GSTA3: variants seen among roughly 807,000 people sequenced by gnomAD.
GSTA3 encodes the protein glutathione S-transferase A3.
In GSTA3, 16 loss-of-function variants were observed where a neutral mutation model predicts 23.1. The ratio of observed to expected loss-of-function variants is 0.69; its 90% CI spans 0.47 to 1.05. The LOEUF is 1.05. GSTA3 is among the 50% of genes least tolerant of loss of function. GSTA3 has a pLI of 0.00. For missense variants in GSTA3, 319 were observed against 263.6 expected (o/e 1.21, Z -1.46); for synonymous variants, 122 against 91.0 (o/e 1.34, Z -1.94).
At chr6:52,906,083 A>C (rs1445993499) in intron 1 of GSTA3, among the ~76,000 whole-genome samples, 1 of 152,048 alleles carries the variant, frequency 6.6e-6, no homozygotes, top group East Asian at 1.9e-4. Flanking sequence ...GTTTTCATTT[A>C]TTTATTTTTA....
chr6:52,908,906 G>A (rs930775254), intron 1 of GSTA3, among the ~76,000 whole-genome samples: 1 of 152,026 alleles, frequency 6.6e-6, no homozygotes, highest in African/African-American at 2.4e-5. Context: ...TTTGGTCCCA[G>A]ATACTTCGAA....
chr6:52,897,759 C>T (rs887097176), intron 6 of GSTA3, 66 bp downstream of exon 6: 67 of 1,581,542 alleles, frequency 4.2e-5, no homozygotes, highest in Admixed American at 1.2e-4. Flanking sequence ...AGTCCAAGGG[C>T]CCAGATACTA....
Position 52,908,765 on chromosome 6 carries a change from T to C in GSTA3, c.-22+876A>G, listed in dbSNP as rs55736811. 2.3e-3 allele frequency among the ~76,000 whole-genome samples: 347 copies of C among 152,314 alleles called. 1 individual carries two copies. Among genetic ancestry groups the C allele is most frequent in the Non-Finnish European group, 4.0e-3 (275 of 68,022 alleles). ...CTTGCATATAGAAGGAATGTGCATG[T>C]TCTGTTGGACAGGGAATATAACAGC... On this transcript the variant is annotated intron_variant, in intron 1 of 6. Coordinates refer to ENST00000211122, the MANE Select transcript of GSTA3 (RefSeq NM_000847.5).
intron 1 of GSTA3, among the ~76,000 whole-genome samples, chr6:52,909,268 T>C (rs574985542): frequency 1.3e-5 from 2 of 152,342 alleles, no homozygotes; most frequent in East Asian, 3.9e-4. Context: ...AGTATAATTG[T>C]GTGTTGACTC....
intron 1 of GSTA3, among the ~76,000 whole-genome samples, chr6:52,908,670 T>A (rs45628835): frequency 2.5e-3 from 377 of 152,062 alleles, no homozygotes; most frequent in African/African-American, 8.0e-3. Flanking sequence ...CAAAAAATAT[T>A]TTTTTTTAAT....
intron 4 of GSTA3, among the ~76,000 whole-genome samples, 189 bp from the exon 5 acceptor site, chr6:52,900,264 C>CTTTTTTTTTTTTTTTTTT (rs368457261): frequency 1.5e-5 from 2 of 133,452 alleles, no homozygotes; most frequent in Non-Finnish European, 3.2e-5. Flanking sequence ...CTTTCTTTTT[C>CTTTTTTTTTTTTTTTTTT]TTTTTTTTTT....
intron 1 of GSTA3, among the ~76,000 whole-genome samples, chr6:52,906,926 C>A (rs910355298): frequency 3.3e-5 from 5 of 150,410 alleles, no homozygotes; most frequent in African/African-American, 7.4e-5. Flanking sequence ...GTCTAAAACA[C>A]CAAAAGCAAT....
At chr6:52,900,349 G>A (rs1050096230) in intron 4 of GSTA3, among the ~76,000 whole-genome samples, 29 of 146,474 alleles carry the variant, frequency 2.0e-4, no homozygotes, top group Middle Eastern at 3.5e-3. Flanking sequence ...TGCCACCTTC[G>A]CCTCCAGGGT....
At chr6:52,908,492 G>A (rs1765970001) in intron 1 of GSTA3, among the ~76,000 whole-genome samples, 1 of 152,120 alleles carries the variant, frequency 6.6e-6, no homozygotes, top group Non-Finnish European at 1.5e-5. Flanking sequence ...TCCAGCCTGG[G>A]TGACAGAATG....
At chr6:52,906,317 T>G (rs1407956424) in intron 1 of GSTA3, among the ~76,000 whole-genome samples, 1 of 152,204 alleles carries the variant, frequency 6.6e-6, no homozygotes, top group Non-Finnish European at 1.5e-5. Context: ...ACTAGCTAGT[T>G]AGTGTCAAAG....
In GSTA3 at chr6:52,905,929, A is replaced by G. The variant is rs1488360591; in HGVS notation, c.-21-74T>C. 4 of 676,402 alleles carry G rather than the reference A, an allele frequency of 5.9e-6. No homozygotes were observed. The African/African-American group carries it at 7.4e-5, about 12-fold the overall frequency. 41.9% of individuals were successfully genotyped at this position (676,402 alleles called of 1,614,324 possible). On this transcript the variant is annotated intron_variant, in intron 1 of 6. Coordinates refer to ENST00000211122, the MANE Select transcript of GSTA3 (RefSeq NM_000847.5). ...GAAGCAAAATGCACGCTAGTATATG[A>G]ATGGTTGAACAACAGGAGTGTCTTC...
chr6:52,905,908 C>A, intron 1 of GSTA3, 53 bp from the exon 2 acceptor site: 1 of 821,414 alleles, frequency 1.2e-6, no homozygotes. Context: ...TCTAGAGAAG[C>A]AAAATGCACG....
At position 52,900,010 on chromosome 6, in the gene GSTA3, C is replaced by T. The variant is rs45602042; in HGVS notation, c.338G>A (p.Arg113Gln). 2,229 of 1,613,356 alleles carry T rather than the reference C, an allele frequency of 1.4e-3. 23 individuals are homozygous for T. In the African/African-American group the frequency reaches 0.026, roughly 19 times the overall value. The change falls in exon 5 of 7, where the codon CGA (arginine) becomes CAA (glutamine). Residue 113 changes from arginine to glutamine, a missense_variant. Coordinates refer to ENST00000211122, the MANE Select transcript of GSTA3 (RefSeq NM_000847.5). Reference protein sequence around the residue: ...NEMILLLPLCRPEEKDAKIAL... With the variant: ...NEMILLLPLCQPEEKDAKIAL... ...AATCTTGGCATCTTTTTCCTCAGGT[C>T]GACATAAGGGCAGAAGAAGGATCAT...
chr6:52,900,267 T>TC lies in GSTA3; in HGVS notation c.273-193_273-192insG, dbSNP rs549418396. On this transcript the variant is annotated intron_variant, in intron 4 of 6. Transcript: ENST00000211122. ...GTTTCCTTCTTTCTTTCTTTTTCTT[T>TC]TTTTTTTTTTTTTGAGATGGAGTTT... 2.7e-4 allele frequency among the ~76,000 whole-genome samples: 40 copies of TC among 149,186 alleles called. 1 individual carries two copies. In the South Asian group the frequency reaches 8.5e-3, roughly 32 times the overall value.
chr6:52,900,295 C>T (rs1195616661), intron 4 of GSTA3, among the ~76,000 whole-genome samples: 2 of 147,704 alleles, frequency 1.4e-5, no homozygotes, highest in African/African-American at 5.0e-5. Context: ...TGGAGTTTCC[C>T]TCATTCTCCC....
In GSTA3 at chr6:52,902,334, A is replaced by ACCT; in HGVS notation, c.272+11_272+12insAGG. The ACCT allele has an allele frequency of 6.2e-7, 1 of 1,612,510 alleles. No individual in the cohort carries two copies. The highest frequency in any genetic ancestry group is 2.2e-5 in the East Asian group (1 of 44,872). On this transcript the variant is annotated intron_variant, in intron 4 of 6. Coordinates refer to ENST00000211122, the MANE Select transcript of GSTA3 (RefSeq NM_000847.5). ...GTTCTCTGTGGATGGAAGAACACAAAATATACCGTACAGGGCTCTCTCCTT... is the reference window on the plus strand; with the variant it reads ...GTTCTCTGTGGATGGAAGAACACAAACCTATATACCGTACAGGGCTCTCTCCTT...
Position 52,905,683 on chromosome 6 carries a change from G to A in GSTA3, c.87+65C>T. On this transcript the variant is annotated intron_variant, in intron 2 of 6. Coordinates refer to ENST00000211122, the MANE Select transcript of GSTA3 (RefSeq NM_000847.5). ...GGTCATCTAGTATGGAAGTCTCTTG[G>A]CTTACTAAAATATTTTGATACAGTC... is the stretch of plus-strand genomic sequence containing the variant. 3.2e-6 allele frequency: 3 copies of A among 932,922 alleles called. No individual in the cohort carries two copies. In the South Asian group the frequency reaches 4.2e-5, roughly 13 times the overall value. 57.8% of individuals were successfully genotyped at this position (932,922 alleles called of 1,614,324 possible). A position where few individuals can be genotyped will look rare whatever the true frequency, so the allele number is the denominator to read the frequency against.
chr6:52,897,825 C>A lies in GSTA3; in HGVS notation c.546G>T (p.Lys182Asn). Residue 182 changes from lysine (K) to asparagine (N), a missense_variant and splice_region_variant, in exon 6 of 7, where the codon AAG (lysine) becomes AAT (asparagine). Transcript: ENST00000211122. ...CTCTGAGGGCTGTGAAATGGGTCAC[C>A]TTCAGCAGAGGGAAGTTGGAGATAA... ...SSLISNFPLL[K>N]ALKTRISNLP... 6.2e-7 allele frequency: 1 copy of A among 1,613,498 alleles called. No homozygotes were observed. Among genetic ancestry groups the A allele is most frequent in the Non-Finnish European group, 8.5e-7 (1 of 1,179,770 alleles).
At chr6:52,898,956 G>T (rs1202474408) in intron 5 of GSTA3, among the ~76,000 whole-genome samples, 1 of 152,144 alleles carries the variant, frequency 6.6e-6, no homozygotes, top group African/African-American at 2.4e-5. Flanking sequence ...GAGAATGACG[G>T]GGTGAGTGCT....
Sources: allele counts gnomAD v4.1 joint callset (sites outside exome capture counted in the v4.1 genomes callset), GRCh38; gene constraint gnomAD v4.1.1; transcripts MANE v1.5; gene names NCBI Gene and HGNC (gene_info 2026-07-23, HGNC 2026-07-21).